GBP6: variants seen among roughly 807,000 people sequenced by gnomAD.
The protein encoded by GBP6 is guanylate binding protein family member 6.
GBP6 carries 54 observed loss-of-function variants against 61.5 expected under a neutral mutation model. The ratio of observed to expected loss-of-function variants is 0.88; its 90% confidence interval spans 0.71 to 1.10. The LOEUF is 1.10. Among genes scored for constraint, GBP6 ranks in the 50% least tolerant of loss-of-function variants. GBP6 has a pLI of 0.00. For synonymous variants in GBP6, 255 were observed against 273.7 expected (o/e 0.93, Z 0.67); for missense variants, 748 against 752.8 (o/e 0.99, Z 0.07).
At chr1:89,369,457 G>C in intron 2 of GBP6, 89 bp from the exon 3 acceptor site, 6 of 1,460,698 alleles carry the variant, frequency 4.1e-6, no homozygotes, top group Non-Finnish European at 4.6e-6. Context: ...TGTTGGGGTA[G>C]TTACAATCCA....
intron 1 of GBP6, among the ~76,000 whole-genome samples, chr1:89,366,395 T>C (rs996274792): frequency 3.3e-5 from 5 of 152,224 alleles, no homozygotes; most frequent in Admixed American, 6.5e-5. Context: ...AGATAGCCTG[T>C]ATTCTCTAGA....
At chr1:89,380,167 C>T (rs1181959528) in intron 5 of GBP6, among the ~76,000 whole-genome samples, 1 of 152,140 alleles carries the variant, frequency 6.6e-6, no homozygotes, top group Non-Finnish European at 1.5e-5. Flanking sequence ...AGATTATATT[C>T]TTGTTACATT....
rs186326438 is a variant in GBP6, at chr1:89,370,799, G to A, written c.318+1126G>A. Among the ~76,000 whole-genome samples the A allele has an allele frequency of 1.4e-3, 207 of 152,244 alleles. 1 individual carries two copies. Among genetic ancestry groups the A allele is most frequent in the African/African-American group, 4.7e-3 (194 of 41,542 alleles). On this transcript the variant is annotated intron_variant, in intron 3 of 10. Coordinates refer to ENST00000370456, the MANE Select transcript of GBP6 (RefSeq NM_198460.3). The stretch of plus-strand genomic sequence containing the variant: ...ATAGCTGTTACCTCACATAGTTACC[G>A]TTTTCTTTTTTCTATGCTCTCTTTT...
chr1:89,368,477 T>G, intron 1 of GBP6, 52 bp from the exon 2 acceptor site: 2 of 1,408,526 alleles, frequency 1.4e-6, no homozygotes, highest in Non-Finnish European at 2.0e-6. Flanking sequence ...TGATGGGTGC[T>G]TGGGAAACAC....
chr1:89,379,036 A>G (rs6660664), intron 5 of GBP6, among the ~76,000 whole-genome samples: 2,219 of 152,294 alleles, frequency 0.015, 80 homozygotes, highest in East Asian at 0.12. Flanking sequence ...CATTGCTATA[A>G]AGGAATGCCT....
chr1:89,377,881 C>T (rs1030142789), intron 3 of GBP6, among the ~76,000 whole-genome samples: 2 of 152,106 alleles, frequency 1.3e-5, no homozygotes, highest in African/African-American at 4.8e-5. Context: ...TTTCATCCAA[C>T]TGAGGAAAAG....
intron 6 of GBP6, among the ~76,000 whole-genome samples, 175 bp from the exon 7 acceptor site, chr1:89,381,519 G>C (rs1170123570): frequency 6.6e-6 from 1 of 152,012 alleles, no homozygotes; most frequent in Non-Finnish European, 1.5e-5. Flanking sequence ...TAAAATTGAA[G>C]AGTCATTATG....
chr1:89,374,061 ATTC>A (rs1487544961), intron 3 of GBP6, among the ~76,000 whole-genome samples: 1 of 151,978 alleles, frequency 6.6e-6, no homozygotes, highest in Non-Finnish European at 1.5e-5. Flanking sequence ...CTTGGCTATC[ATTC>A]TTCTCTCTCC....
At chr1:89,368,502 A>G in intron 1 of GBP6, 27 bp from the exon 2 acceptor site, 2 of 1,528,368 alleles carry the variant, frequency 1.3e-6, no homozygotes, top group Non-Finnish European at 1.8e-6. Flanking sequence ...ACAGAGAATG[A>G]CAATGTAACG....
intron 3 of GBP6, among the ~76,000 whole-genome samples, chr1:89,374,155 A>G (rs1419201181): frequency 6.6e-6 from 1 of 152,088 alleles, no homozygotes; most frequent in African/African-American, 2.4e-5. Flanking sequence ...AGCCATGCTG[A>G]CCTGTGAGTC....
chr1:89,375,698 C>T (rs185424350), intron 3 of GBP6, among the ~76,000 whole-genome samples: 12 of 152,002 alleles, frequency 7.9e-5, no homozygotes, highest in African/African-American at 2.7e-4. Context: ...TCTCCTATTC[C>T]ATTGGTTGCA....
At chr1:89,379,889 G>A (rs1652915267) in intron 5 of GBP6, among the ~76,000 whole-genome samples, 1 of 152,212 alleles carries the variant, frequency 6.6e-6, no homozygotes, top group African/African-American at 2.4e-5. Context: ...TGTAGTGTCA[G>A]CACTTTGGAA....
chr1:89,381,598 G>T (rs1439280684), intron 6 of GBP6, 96 bp from the exon 7 acceptor site: 13 of 1,220,800 alleles, frequency 1.1e-5, no homozygotes, highest in Non-Finnish European at 1.3e-5. Context: ...GTGCACGCGC[G>T]TGTATGTAAG....
intron 1 of GBP6, among the ~76,000 whole-genome samples, chr1:89,367,230 A>G (rs1169001576): frequency 1.3e-5 from 2 of 152,224 alleles, no homozygotes; most frequent in Non-Finnish European, 2.9e-5. Flanking sequence ...AGGGACCATC[A>G]TACTGTTTTC....
At chr1:89,378,031 T>A in intron 3 of GBP6, 72 bp from the exon 4 acceptor site, 1 of 1,368,300 alleles carries the variant, frequency 7.3e-7, no homozygotes, top group East Asian at 2.3e-5. Flanking sequence ...AGTGAAAGAC[T>A]GACAAAATAA....
rs1311454681 is a variant in GBP6 at position 89,384,305 on chromosome 1, T to G, written c.1662+19T>G. 1 of 1,591,566 alleles carries G rather than the reference T, an allele frequency of 6.3e-7. No individual in the cohort carries two copies. Among genetic ancestry groups the G allele is most frequent in the Non-Finnish European group, 8.6e-7 (1 of 1,168,962 alleles). On this transcript the variant is annotated intron_variant, in intron 10 of 10. Coordinates refer to ENST00000370456, the MANE Select transcript of GBP6 (RefSeq NM_198460.3). ...GCAGAAGGTAAGTCTGCCCTTGGCC[T>G]CAGCAGGCCAGACGGTCCTCACCCA...
intron 1 of GBP6, among the ~76,000 whole-genome samples, chr1:89,367,823 C>T (rs1049471531): frequency 1.1e-3 from 170 of 152,298 alleles, no homozygotes; most frequent in African/African-American, 4.0e-3. Context: ...TCTTTGCTCC[C>T]TCCACTTCAA....
At chr1:89,382,607 A>G in intron 7 of GBP6, 57 bp from the exon 8 acceptor site, 1 of 1,421,868 alleles carries the variant, frequency 7.0e-7, no homozygotes, top group Non-Finnish European at 9.9e-7. Context: ...CAGATTCTTT[A>G]GAATTTCATC....
chr1:89,383,214 A>G (rs531311989), intron 8 of GBP6, among the ~76,000 whole-genome samples: 1 of 61,694 alleles, frequency 1.6e-5, no homozygotes, highest in Admixed American at 1.9e-4. Flanking sequence ...TGACTTTAAG[A>G]AGCACCTTTA....
Sources: allele counts gnomAD v4.1 joint callset (sites outside exome capture counted in the v4.1 genomes callset), GRCh38; gene constraint gnomAD v4.1.1; transcripts MANE v1.5; gene names NCBI Gene and HGNC (gene_info 2026-07-23, HGNC 2026-07-21).